SELENOT: variants seen among roughly 807,000 people sequenced by gnomAD.
The protein encoded by SELENOT is thioredoxin reductase-like selenoprotein T.
Under a neutral mutation model 24.3 loss-of-function variants are expected in SELENOT, and 9 were observed. The ratio of observed to expected loss-of-function variants is 0.37; its 90% CI spans 0.22 to 0.65. The LOEUF (loss-of-function observed/expected upper bound fraction) is 0.65. SELENOT is among the 30% of genes least tolerant of loss of function. The pLI, the probability that SELENOT is intolerant of heterozygous loss-of-function variation, is 0.60. For synonymous variants in SELENOT, 81 were observed against 86.0 expected (o/e 0.94, Z 0.32); for missense variants, 166 against 247.6 (o/e 0.67, Z 2.21).
At chr3:150,610,560 TG>T (rs1726064334) in intron 1 of SELENOT, among the ~76,000 whole-genome samples, 1 of 152,212 alleles carries the variant, frequency 6.6e-6, no homozygotes, top group South Asian at 2.1e-4. Flanking sequence ...GATACACCAG[TG>T]AAATTATTGT....
intron 4 of SELENOT, 147 bp from the exon 5 acceptor site, chr3:150,626,863 A>G (rs1369090141): frequency 1.5e-6 from 1 of 675,330 alleles, no homozygotes; most frequent in African/African-American, 1.8e-5. Flanking sequence ...CCCTACTGGA[A>G]TGTAAAGTCC....
At chr3:150,623,295 C>A (rs1726379213) in intron 3 of SELENOT, 126 bp downstream of exon 3, 5 of 881,582 alleles carry the variant, frequency 5.7e-6, no homozygotes, top group Non-Finnish European at 7.8e-6. Context: ...TTAATTTATA[C>A]CAGTTTTATC....
chr3:150,619,176 G>A (rs1354202644), intron 1 of SELENOT, among the ~76,000 whole-genome samples: 1 of 147,662 alleles, frequency 6.8e-6, no homozygotes, highest in African/African-American at 2.5e-5. Flanking sequence ...AGCCGAGATC[G>A]CGCCACTGCA....
At chr3:150,612,589 G>T (rs1473707580) in intron 1 of SELENOT, among the ~76,000 whole-genome samples, 1 of 152,190 alleles carries the variant, frequency 6.6e-6, no homozygotes, top group African/African-American at 2.4e-5. Flanking sequence ...AAGTGGGCAT[G>T]ATAGAACTTC....
chr3:150,606,149 CCTTTT>C (rs1427795072), intron 1 of SELENOT, among the ~76,000 whole-genome samples: 3 of 137,682 alleles, frequency 2.2e-5, no homozygotes, highest in African/African-American at 8.1e-5. Flanking sequence ...TTTCTTTCTT[CCTTTT>C]TTTTTTTTTT....
At chr3:150,616,746 C>T (rs1421481114) in intron 1 of SELENOT, among the ~76,000 whole-genome samples, 3 of 152,190 alleles carry the variant, frequency 2.0e-5, no homozygotes, top group African/African-American at 7.2e-5. Context: ...TAATCAAGTG[C>T]TATTTGAATG....
intron 1 of SELENOT, among the ~76,000 whole-genome samples, chr3:150,614,162 A>G (rs1351055797): frequency 6.6e-6 from 1 of 152,206 alleles, no homozygotes; most frequent in Non-Finnish European, 1.5e-5. Flanking sequence ...TAACAAGTAC[A>G]AAGAAAATGG....
At chr3:150,611,584 T>A in intron 1 of SELENOT, 1 of 1,299,106 alleles carries the variant, frequency 7.7e-7, no homozygotes, top group Middle Eastern at 1.8e-4. Context: ...TTTATGATAA[T>A]CACATATGTA....
At chr3:150,611,757 C>T (rs1372913554) in intron 1 of SELENOT, 3 of 1,375,006 alleles carry the variant, frequency 2.2e-6, no homozygotes, top group Non-Finnish European at 3.0e-6. Flanking sequence ...CCCAGGGGCC[C>T]AGCCGCTGAG....
chr3:150,621,787 T>TAGAA (rs1206299677), intron 1 of SELENOT, among the ~76,000 whole-genome samples: 1 of 152,126 alleles, frequency 6.6e-6, no homozygotes, highest in Non-Finnish European at 1.5e-5. Flanking sequence ...ATTTTAGAGT[T>TAGAA]AGAAGGGTTC....
At chr3:150,609,522 T>G (rs1366150082) in intron 1 of SELENOT, among the ~76,000 whole-genome samples, 1 of 152,106 alleles carries the variant, frequency 6.6e-6, no homozygotes, top group East Asian at 1.9e-4. Flanking sequence ...CCAATTTTTG[T>G]ATTTTTTTGT....
At chr3:150,621,614 CTTTTTT>C (rs35489270) in intron 1 of SELENOT, among the ~76,000 whole-genome samples, 366 of 80,598 alleles carry the variant, frequency 4.5e-3, no homozygotes, top group African/African-American at 0.015. Context: ...GGCATATTTC[CTTTTTT>C]TTTTTTTTTT....
At chr3:150,611,414 TG>T in intron 1 of SELENOT, 1 of 1,252,356 alleles carries the variant, frequency 8.0e-7, no homozygotes, top group Non-Finnish European at 1.2e-6. Context: ...AGTCCTGGTC[TG>T]GTTGGTGGCT....
rs750174317 is a variant in SELENOT at position 150,603,434 on chromosome 3, C to A, written c.72C>A (p.Gly24=). The change falls in exon 1 of 6, where the codon GGC becomes GGA. Residue 24 remains glycine, a synonymous_variant. Transcript: ENST00000471696. ...GGAGCGAGGCCTCGGCCAATCTGGGCGGCGTGCCCAGCAAGAGATTAAAGA... is the reference window on the plus strand; with the variant it reads ...GGAGCGAGGCCTCGGCCAATCTGGGAGGCGTGCCCAGCAAGAGATTAAAGA... The part of the protein sequence containing the change: ...MVRSEASANL[G]GVPSKRLKMQ... The A allele has an allele frequency of 1.9e-5, 31 of 1,613,034 alleles. No homozygotes were observed. The African/African-American group carries it at 3.9e-4, about 20-fold the overall frequency.
rs376668151 is a variant in SELENOT, at chr3:150,623,294, A to G, written c.375+125A>G. On this transcript the variant is annotated intron_variant, in intron 3 of 5. Coordinates refer to ENST00000471696, the MANE Select transcript of SELENOT (RefSeq NM_016275.5). ...GTTAACATGTATTATTTTAATTTAT[A>G]CCAGTTTTATCTCTGGGGAAGTCAC... The G allele has an allele frequency of 9.7e-5, 89 of 913,686 alleles. 2 individuals carry two copies. In the South Asian group the frequency reaches 2.7e-3, roughly 27 times the overall value. 56.6% of individuals were successfully genotyped at this position (913,686 alleles called of 1,614,324 possible). A position where few individuals can be genotyped will look rare whatever the true frequency, so the allele number is the denominator to read the frequency against.
chr3:150,610,923 A>G (rs1484882295), intron 1 of SELENOT, among the ~76,000 whole-genome samples: 1 of 151,190 alleles, frequency 6.6e-6, no homozygotes, highest in Non-Finnish European at 1.5e-5. Context: ...GGACTTGACC[A>G]TTGTCTTGTT....
chr3:150,609,609 A>C (rs1301082459), intron 1 of SELENOT, among the ~76,000 whole-genome samples: 1 of 152,106 alleles, frequency 6.6e-6, no homozygotes, highest in East Asian at 1.9e-4. Context: ...AGCCTTCCAA[A>C]GTGTCGAGAT....
chr3:150,611,705 C>G, intron 1 of SELENOT: 1 of 1,597,210 alleles, frequency 6.3e-7, no homozygotes, highest in Non-Finnish European at 8.5e-7. Context: ...GCTCACCATC[C>G]TCCGCAGGCA....
intron 1 of SELENOT, 140 bp downstream of exon 1, chr3:150,603,639 A>G (rs894525602): frequency 3.0e-5 from 31 of 1,039,874 alleles, no homozygotes; most frequent in Non-Finnish European, 4.0e-5. Flanking sequence ...TTCCACAGCC[A>G]GCCTTCTCGC....
Sources: allele counts gnomAD v4.1 joint callset (sites outside exome capture counted in the v4.1 genomes callset), GRCh38; gene constraint gnomAD v4.1.1; transcripts MANE v1.5; gene names NCBI Gene and HGNC (gene_info 2026-07-23, HGNC 2026-07-21).